The following CTNND2 variants were observed in gnomAD, a reference collection of about 807,000 sequenced individuals.
CTNND2 encodes the protein catenin delta-2.
A neutral mutation model predicts 144.4 loss-of-function variants in CTNND2; 22 were observed. The ratio of observed to expected loss-of-function variants is 0.15; its 90% CI spans 0.11 to 0.22. CTNND2 has a LOEUF of 0.22. Ranked by LOEUF, CTNND2 falls within the 10% of genes least tolerant of loss-of-function variation. CTNND2 has a pLI of 1.00. For synonymous variants in CTNND2, 751 were observed against 695.6 expected (o/e 1.08, Z -1.25); for missense variants, 1,353 against 1,618.8 (o/e 0.84, Z 2.82).
At chr5:11,401,098 G>A (rs184220504) in intron 5 of CTNND2, among the ~76,000 whole-genome samples, 3 of 152,256 alleles carry the variant, frequency 2.0e-5, no homozygotes, top group South Asian at 4.1e-4. Flanking sequence ...TCCACTATTC[G>A]TGGGACAAAA....
rs12654298 is a variant in CTNND2, at chr5:11,151,903, C to A, written c.2159+7673G>T. On this transcript the variant is annotated intron_variant, in intron 12 of 21. Coordinates refer to ENST00000304623, the MANE Select transcript of CTNND2 (RefSeq NM_001332.4). ...CAAAAATGCCAGGAAGAACTTTGGA[C>A]AATGATACTCCTTTTGGGGAAGAAA... Among the ~76,000 whole-genome samples, 34 of 152,206 alleles carry A rather than the reference C, an allele frequency of 2.2e-4. No individual in the cohort carries two copies. The East Asian group carries it at 5.4e-3, about 24-fold the overall frequency.
chr5:11,398,578 G>A (rs548369263), intron 5 of CTNND2, among the ~76,000 whole-genome samples: 7 of 151,528 alleles, frequency 4.6e-5, no homozygotes, highest in African/African-American at 1.5e-4. Flanking sequence ...GAATCTATGC[G>A]GTTTCTGGAA....
chr5:11,144,819 A>G (rs538321007), intron 12 of CTNND2, among the ~76,000 whole-genome samples: 1 of 152,242 alleles, frequency 6.6e-6, no homozygotes, highest in South Asian at 2.1e-4. Context: ...TCCTAAGGAA[A>G]TAGATGTGTG....
At chr5:11,498,916 T>C (rs1411146573) in intron 3 of CTNND2, among the ~76,000 whole-genome samples, 1 of 152,162 alleles carries the variant, frequency 6.6e-6, no homozygotes, top group Non-Finnish European at 1.5e-5. Flanking sequence ...TCTGGATGTG[T>C]GTTTTTTTTT....
chr5:11,701,077 T>C (rs1322902985), intron 2 of CTNND2, among the ~76,000 whole-genome samples: 19 of 152,246 alleles, frequency 1.2e-4, no homozygotes, highest in Non-Finnish European at 1.5e-5. Flanking sequence ...ATTCTGTACA[T>C]AAATGTCTTT....
chr5:11,435,496 G>T (rs565406016), intron 3 of CTNND2, among the ~76,000 whole-genome samples: 3 of 152,190 alleles, frequency 2.0e-5, no homozygotes, highest in South Asian at 2.1e-4. Context: ...ACAAGCCCTA[G>T]GTCTCTACTG....
At chr5:11,880,985 C>A (rs1736065413) in intron 1 of CTNND2, among the ~76,000 whole-genome samples, 1 of 148,046 alleles carries the variant, frequency 6.8e-6, no homozygotes, top group African/African-American at 2.5e-5. Context: ...ACTACCACTA[C>A]TACTGCTACT....
chr5:11,641,550 T>C (rs1782003021), intron 2 of CTNND2, among the ~76,000 whole-genome samples: 1 of 151,246 alleles, frequency 6.6e-6, no homozygotes, highest in Admixed American at 6.6e-5. Context: ...TGCATACATA[T>C]GGGATATGTA....
At chr5:11,603,950 G>C (rs1283185140) in intron 2 of CTNND2, among the ~76,000 whole-genome samples, 3 of 152,082 alleles carry the variant, frequency 2.0e-5, no homozygotes, top group Non-Finnish European at 2.9e-5. Flanking sequence ...TATTCCTAGA[G>C]TTACTTGCAT....
intron 3 of CTNND2, among the ~76,000 whole-genome samples, chr5:11,498,132 CA>C (rs1232221641): frequency 6.6e-6 from 1 of 152,180 alleles, no homozygotes; most frequent in African/African-American, 2.4e-5. Context: ...AAGTGCCTGG[CA>C]TTCAAGGCCC....
intron 14 of CTNND2, 73 bp from the exon 15 acceptor site, chr5:11,098,821 T>C (rs1371109383): frequency 6.9e-7 from 1 of 1,452,644 alleles, no homozygotes; most frequent in East Asian, 2.3e-5. Context: ...TCCTCAAACA[T>C]TACAGGCGAA....
intron 11 of CTNND2, among the ~76,000 whole-genome samples, chr5:11,170,992 A>G (rs1274777826): frequency 1.3e-5 from 2 of 152,182 alleles, no homozygotes; most frequent in African/African-American, 4.8e-5. Flanking sequence ...ACAGTATGGG[A>G]AAAACCTGCT....
intron 1 of CTNND2, among the ~76,000 whole-genome samples, chr5:11,877,366 G>A (rs1735642580): frequency 6.6e-6 from 1 of 151,976 alleles, no homozygotes; most frequent in Admixed American, 6.6e-5. Flanking sequence ...TATTCTTTGA[G>A]TTTTGCTATT....
intron 5 of CTNND2, among the ~76,000 whole-genome samples, chr5:11,399,861 T>C (rs952251566): frequency 4.6e-5 from 7 of 152,216 alleles, no homozygotes; most frequent in Non-Finnish European, 7.3e-5. Context: ...GCCAAAACCA[T>C]GTATGCATTT....
intron 9 of CTNND2, among the ~76,000 whole-genome samples, chr5:11,274,858 T>C (rs1000915124): frequency 1.3e-5 from 2 of 152,244 alleles, no homozygotes; most frequent in East Asian, 3.8e-4. Context: ...ACTACCGATC[T>C]ACAAGAAAGT....
At chr5:11,675,991 TA>T (rs1372780799) in intron 2 of CTNND2, among the ~76,000 whole-genome samples, 1 of 152,020 alleles carries the variant, frequency 6.6e-6, no homozygotes, top group South Asian at 2.1e-4. Flanking sequence ...TGAGCTCTGA[TA>T]AGGGACAGAC....
chr5:11,702,284 T>C (rs1251706652), intron 2 of CTNND2, among the ~76,000 whole-genome samples: 2 of 152,180 alleles, frequency 1.3e-5, no homozygotes, highest in South Asian at 2.1e-4. Context: ...GATACAGCTG[T>C]CAAGGTCCCA....
chr5:11,199,719 CA>C (rs1183842800), intron 10 of CTNND2, 58 bp from the exon 11 acceptor site: 1 of 1,280,228 alleles, frequency 7.8e-7, no homozygotes, highest in East Asian at 2.3e-5. Flanking sequence ...CTACCTACAC[CA>C]AAACATGTTT....
chr5:11,840,049 T>C (rs1794378757), intron 1 of CTNND2, among the ~76,000 whole-genome samples: 1 of 152,170 alleles, frequency 6.6e-6, no homozygotes. Context: ...ACACAAAATC[T>C]TTTTTCATTC....
Sources: gnomAD v4.1 joint callset for allele counts (sites outside exome capture counted in the v4.1 genomes callset) on GRCh38, gnomAD v4.1.1 for gene constraint, MANE v1.5 for transcripts, NCBI Gene and HGNC (gene_info 2026-07-23, HGNC 2026-07-21) for gene names.